Variants in HPS1 observed in about 807,000 individuals in gnomAD.
HPS1 encodes HPS1 biogenesis of lysosomal organelles complex 3 subunit 1.
Under a neutral mutation model 90.6 loss-of-function variants are expected in HPS1, and 59 were observed. The observed-to-expected ratio is 0.65, with a 90% CI of 0.53 to 0.81. The LOEUF (loss-of-function observed/expected upper bound fraction) is 0.81, where lower values mean the gene tolerates loss of function less well. Ranked by LOEUF, HPS1 falls within the 30% of genes least tolerant of loss-of-function variation. The probability of loss-of-function intolerance (pLI) is 0.00; values close to 1 mark genes in which losing one functional copy is unlikely to be tolerated. For synonymous variants in HPS1, 388 were observed against 384.4 expected (o/e 1.01, Z -0.11); for missense variants, 849 against 896.7 (o/e 0.95, Z 0.68).
At chr10:98,423,567 C>G in intron 16 of HPS1, 36 bp downstream of exon 16, 1 of 1,602,418 alleles carries the variant, frequency 6.2e-7, no homozygotes, top group Non-Finnish European at 8.5e-7. Flanking sequence ...ATCCAAGAGG[C>G]TTGTTGGGCT....
intron 6 of HPS1, among the ~76,000 whole-genome samples, chr10:98,432,606 A>G (rs1846635672): frequency 6.6e-6 from 1 of 152,170 alleles, no homozygotes; most frequent in African/African-American, 2.4e-5. Context: ...CTTTTCTAAA[A>G]TATCTGTACG....
chr10:98,428,684 G>A (rs1845926860), intron 10 of HPS1, among the ~76,000 whole-genome samples: 1 of 148,008 alleles, frequency 6.8e-6, no homozygotes, highest in African/African-American at 2.6e-5. Flanking sequence ...TGATGTGGAG[G>A]GACCACAGGA....
At chr10:98,418,074 G>C in intron 19 of HPS1, 101 bp downstream of exon 19, 1 of 803,968 alleles carries the variant, frequency 1.2e-6, no homozygotes, top group South Asian at 1.6e-5. Flanking sequence ...TTCTGGGTCT[G>C]AGGTAGGGCA....
intron 2 of HPS1, among the ~76,000 whole-genome samples, chr10:98,444,848 G>A (rs370972632): frequency 1.9e-4 from 29 of 152,306 alleles, no homozygotes; most frequent in East Asian, 1.5e-3. Flanking sequence ...TGGGAGAGGC[G>A]GGTGGACCTG....
intron 18 of HPS1, among the ~76,000 whole-genome samples, chr10:98,419,689 C>G (rs1844601481): frequency 6.6e-6 from 1 of 152,226 alleles, no homozygotes; most frequent in Non-Finnish European, 1.5e-5. Context: ...ACAGGGATGA[C>G]CATGTGCCAC....
At chr10:98,423,298 C>A (rs1395309413) in intron 16 of HPS1, among the ~76,000 whole-genome samples, 1 of 151,284 alleles carries the variant, frequency 6.6e-6, no homozygotes, top group African/African-American at 2.4e-5. Flanking sequence ...CCGGTCCCCA[C>A]CCCTCGTGGA....
rs1244927258 is a variant in HPS1, at chr10:98,429,625, G to T, written c.885C>A (p.Ser295=). ...CTGGTGTGAAGTACTCCTCAGGGAG[G>T]GAGAAGCTGTCTGTCTCCTGGAATG... ...SSAETETDSF[S]LPEEYFTPAP... The change falls in exon 10 of 20, where the codon TCC becomes TCA. Residue 295 remains serine, a synonymous_variant. Coordinates refer to ENST00000361490, the MANE Select transcript of HPS1 (RefSeq NM_000195.5). 6.2e-7 allele frequency: 1 copy of T among 1,614,228 alleles called. No individual in the cohort carries two copies. Among genetic ancestry groups the T allele is most frequent in the Non-Finnish European group, 8.5e-7 (1 of 1,180,040 alleles).
In HPS1 at chr10:98,435,689, G is replaced by A. The variant is rs973290077; in HGVS notation, c.201C>T (p.Asp67=). 6.2e-7 allele frequency: 1 copy of A among 1,613,928 alleles called. No homozygotes were observed. The highest frequency in any genetic ancestry group is 1.7e-5 in the Admixed American group (1 of 60,006). The change falls in exon 4 of 20, where the codon GAC becomes GAT. Residue 67 remains aspartate, a synonymous_variant. Coordinates refer to ENST00000361490, the MANE Select transcript of HPS1 (RefSeq NM_000195.5). The surrounding 1 kb of genome is among the most constrained non-coding windows in gnomAD (Gnocchi z 4.3). ...TTTCCGTGGAGAAGCAGGTGTAGGT[G>A]TCCGAGAGCTTCTCCAGCATCGTCA... The part of the protein sequence containing the change: ...SSMTMLEKLS[D]TYTCFSTENG...
rs142934882 is a variant in HPS1 at position 98,435,768 on chromosome 10, G to C, written c.122C>G (p.Pro41Arg). The C allele has an allele frequency of 6.2e-7, 1 of 1,614,184 alleles. No individual in the cohort carries two copies. The highest frequency in any genetic ancestry group is 1.3e-5 in the African/African-American group (1 of 75,058). Residue 41 changes from proline (P) to arginine (R), a missense_variant, in exon 4 of 20, where the codon CCT becomes CGT. By Grantham distance (103) the Pro-to-Arg change is moderately radical. Coordinates refer to ENST00000361490, the MANE Select transcript of HPS1 (RefSeq NM_000195.5). The surrounding 1 kb of genome is among the most constrained non-coding windows in gnomAD (Gnocchi z 4.3). The part of the protein sequence containing the change: ...GQSENEEEEL[P>R]ALEDQLSTLL... ...GGTGCTGAGCTGGTCCTCCAGGGCAGGGAGCTGCAAAAATGGGGGAAAATT... is the reference window on the plus strand; with the variant it reads ...GGTGCTGAGCTGGTCCTCCAGGGCACGGAGCTGCAAAAATGGGGGAAAATT...
Position 98,422,450 on chromosome 10 carries a change from C to T in HPS1, c.1662G>A (p.Met554Ile), listed in dbSNP as rs749969764. Residue 554 changes from methionine (M) to isoleucine (I), a missense_variant, in exon 17 of 20, where the codon ATG (methionine) becomes ATA (isoleucine). By Grantham distance (10) the Met-to-Ile change is conservative (BLOSUM62 1). Transcript: ENST00000361490. The part of the protein sequence containing the change: ...FIYVDRTTGQ[M>I]VAPSLNCSQK... ...GACTGCAGTTGAGGGAAGGCGCCAC[C>T]ATCTGCCCAGTGGTGCGGTCCACAT... 6.2e-7 allele frequency: 1 copy of T among 1,614,160 alleles called. No homozygotes were observed. Among genetic ancestry groups the T allele is most frequent in the Admixed American group, 1.7e-5 (1 of 60,030 alleles).
intron 3 of HPS1, among the ~76,000 whole-genome samples, chr10:98,438,951 C>T (rs1390592896): frequency 6.6e-6 from 1 of 152,184 alleles, no homozygotes; most frequent in Non-Finnish European, 1.5e-5. Flanking sequence ...TGCGTCCTAG[C>T]CATGGCTAAA....
At chr10:98,414,815 C>A (rs1268972886), downstream of HPS1, 4 of 750,024 alleles carry the variant, frequency 5.3e-6, no homozygotes, top group Non-Finnish European at 8.1e-6. Context: ...AGAGCCAGCA[C>A]CGGAATCCCA....
At chr10:98,427,335 G>A (rs1845749139) in intron 10 of HPS1, 71 bp from the exon 11 acceptor site, 3 of 1,344,436 alleles carry the variant, frequency 2.2e-6, no homozygotes, top group Non-Finnish European at 3.1e-6. Context: ...ACAGCATGGG[G>A]TAGGGGGCCC....
chr10:98,428,715 T>TTTTA (rs1554890703), intron 10 of HPS1, among the ~76,000 whole-genome samples: 1 of 150,364 alleles, frequency 6.7e-6, no homozygotes, highest in African/African-American at 2.5e-5. Flanking sequence ...TTTTTTTTTT[T>TTTTA]ACCTAAGAAC....
At position 98,417,551 on chromosome 10, in the gene HPS1, C is replaced by G; in HGVS notation, c.*13G>C. The G allele has an allele frequency of 6.2e-7, 1 of 1,604,306 alleles. No individual in the cohort carries two copies. Among genetic ancestry groups the G allele is most frequent in the Non-Finnish European group, 8.5e-7 (1 of 1,175,422 alleles). On this transcript the variant is annotated 3_prime_UTR_variant, in exon 20 of 20. Transcript: ENST00000361490. The surrounding 1 kb of genome is among the most constrained non-coding windows in gnomAD (Gnocchi z 4.2). Reference sequence around the variant, plus strand: ...GAGGACAGGATGCAAAGGCAGACTGCGGCCACCTTGGCCTAGAGCAGGGGG... The same window carrying G: ...GAGGACAGGATGCAAAGGCAGACTGGGGCCACCTTGGCCTAGAGCAGGGGG...
intron 3 of HPS1, among the ~76,000 whole-genome samples, chr10:98,438,168 C>T (rs183789402): frequency 7.4e-4 from 113 of 152,154 alleles, no homozygotes; most frequent in African/African-American, 2.4e-3. Context: ...TATAGTGGTA[C>T]GAAAACGGAC....
chr10:98,421,157 G>A (rs896791020), intron 17 of HPS1, among the ~76,000 whole-genome samples: 14 of 152,336 alleles, frequency 9.2e-5, no homozygotes, highest in Middle Eastern at 3.4e-3. Flanking sequence ...AGGGACAGGC[G>A]ATCTGCTCCA....
chr10:98,416,517 C>G lies in HPS1; in HGVS notation c.*1047G>C, dbSNP rs968498105. The G allele has an allele frequency of 6.6e-6, 1 of 152,458 alleles. No homozygotes were observed. The highest frequency in any genetic ancestry group is 1.9e-4 in the East Asian group (1 of 5,338). The allele number at this position is 152,458 out of a possible 1,614,324, so 9.4% of individuals were successfully genotyped here. On this transcript the variant is annotated 3_prime_UTR_variant, in exon 20 of 20. Transcript: ENST00000361490. ...AGACCAACATGTGGGTTCTAGTTCCCCCAGCCCCAAAGCTGTTCCCTGCAA... is the reference window on the plus strand; with the variant it reads ...AGACCAACATGTGGGTTCTAGTTCCGCCAGCCCCAAAGCTGTTCCCTGCAA...
rs281865163 is a variant in HPS1, at chr10:98,423,797, T to TGGGCCTCCCCTGCTGG, written c.1472_1487dup (p.His497GlnfsTer90). The TGGGCCTCCCCTGCTGG allele has an allele frequency of 5.2e-5, 84 of 1,614,014 alleles. 3 individuals are homozygous for TGGGCCTCCCCTGCTGG. In the Admixed American group the frequency reaches 1.3e-3, roughly 24 times the overall value. On this transcript the variant is annotated frameshift_variant, in exon 15 of 20. Coordinates refer to ENST00000361490, the MANE Select transcript of HPS1 (RefSeq NM_000195.5). LOFTEE classifies it high-confidence loss of function. The stretch of plus-strand genomic sequence containing the variant: ...GGTCCTGCAGGTGCTGGGGCAGGTG[T>TGGGCCTCCCCTGCTGG]GGGCCTCCCCTGCTGGGGGCTGTGG...
Sources: gnomAD v4.1 joint callset for allele counts (sites outside exome capture counted in the v4.1 genomes callset) on GRCh38, gnomAD v4.1.1 for gene constraint, Gnocchi (gnomAD v3.1) non-coding constraint, MANE v1.5 for transcripts, NCBI Gene and HGNC (gene_info 2026-07-23, HGNC 2026-07-21) for gene names.